The following RIMS2 variants were observed in gnomAD, a reference collection of about 807,000 sequenced individuals.
RIMS2 encodes the protein regulating synaptic membrane exocytosis 2, also known as regulating synaptic membrane exocytosis protein 2.
RIMS2 carries 59 observed loss-of-function variants against 174.4 expected under a neutral mutation model. The ratio of observed to expected loss-of-function variants is 0.34; its 90% confidence interval spans 0.27 to 0.42. RIMS2 has a LOEUF of 0.42. RIMS2 is among the 10% of genes least tolerant of loss of function. The probability of loss-of-function intolerance (pLI) is 1.00; values close to 1 mark genes in which losing one functional copy is unlikely to be tolerated. For synonymous variants in RIMS2, 606 were observed against 572.5 expected, an observed-to-expected ratio of 1.06 and a Z score of -0.84; for missense variants, 1,620 against 1,666.3, an observed-to-expected ratio of 0.97 and a Z score of 0.48.
At chr8:103,734,912 C>T (rs1178025167) in intron 2 of RIMS2, among the ~76,000 whole-genome samples, 2 of 135,564 alleles carry the variant, frequency 1.5e-5, no homozygotes, top group Admixed American at 1.4e-4. Context: ...AATCACACTT[C>T]TGTGCCACCG....
At chr8:103,755,863 G>C (rs931343623) in intron 2 of RIMS2, among the ~76,000 whole-genome samples, 1 of 152,048 alleles carries the variant, frequency 6.6e-6, no homozygotes, top group African/African-American at 2.4e-5. Context: ...CTTGCATTGG[G>C]TTAGGACATG....
At chr8:104,052,717 G>C (rs1322677801) in intron 19 of RIMS2, among the ~76,000 whole-genome samples, 1 of 152,086 alleles carries the variant, frequency 6.6e-6, no homozygotes, top group Admixed American at 6.6e-5. Context: ...TGCTAAGGGG[G>C]CCCACTTGGG....
intron 19 of RIMS2, among the ~76,000 whole-genome samples, chr8:104,200,317 G>T (rs1475345338): frequency 6.6e-6 from 1 of 152,198 alleles, no homozygotes; most frequent in East Asian, 1.9e-4. Flanking sequence ...TGGTAGATTA[G>T]ATTTTGTCCT....
At chr8:103,909,579 A>C (rs1399609584) in intron 4 of RIMS2, among the ~76,000 whole-genome samples, 1 of 152,138 alleles carries the variant, frequency 6.6e-6, no homozygotes, top group Non-Finnish European at 1.5e-5. Context: ...TCTTTTGTGA[A>C]AACAATTTTT....
intron 3 of RIMS2, among the ~76,000 whole-genome samples, chr8:103,826,885 T>C (rs1564790689): frequency 6.6e-6 from 1 of 151,814 alleles, no homozygotes; most frequent in Non-Finnish European, 1.5e-5. Context: ...TCTAGGATGT[T>C]CTGGAACTCC....
At chr8:103,699,911 AT>A (rs1263122231) in intron 2 of RIMS2, among the ~76,000 whole-genome samples, 1 of 152,070 alleles carries the variant, frequency 6.6e-6, no homozygotes, top group Non-Finnish European at 1.5e-5. Flanking sequence ...ATGATTTCTA[AT>A]TTACCTCTCT....
chr8:103,609,831 A>G (rs1392181243), intron 1 of RIMS2, among the ~76,000 whole-genome samples: 5 of 152,144 alleles, frequency 3.3e-5, no homozygotes, highest in African/African-American at 1.2e-4. Context: ...TTGCTTCTGT[A>G]TGAATTTTTA....
chr8:103,598,701 C>G (rs2094569821), intron 1 of RIMS2, among the ~76,000 whole-genome samples: 1 of 152,102 alleles, frequency 6.6e-6, no homozygotes, highest in Admixed American at 6.6e-5. Context: ...TTTTCAGTGG[C>G]AAGTCTTGAT....
rs1487678418 is a variant in RIMS2 at position 104,142,118 on chromosome 8, T to TC, written c.3335-102796dup. 5.5e-5 allele frequency among the ~76,000 whole-genome samples: 7 copies of TC among 128,354 alleles called. No individual in the cohort carries two copies. In the South Asian group the frequency reaches 1.8e-3, roughly 33 times the overall value. 84.2% of individuals were successfully genotyped at this position (128,354 alleles called of 152,430 possible). A position where few individuals can be genotyped will look rare whatever the true frequency, so the allele number is the denominator to read the frequency against. The stretch of plus-strand genomic sequence containing the variant: ...TTTGTTTATTTCAAAGTAAATATCT[T>TC]CCTTTTTTTTTTTTTTTTTCTTTTT... On this transcript the variant is annotated intron_variant, in intron 19 of 23. Coordinates refer to ENST00000504942, the Ensembl canonical transcript of RIMS2.
intron 2 of RIMS2, among the ~76,000 whole-genome samples, chr8:103,742,948 G>A (rs956857903): frequency 6.6e-6 from 1 of 152,120 alleles, no homozygotes; most frequent in African/African-American, 2.4e-5. Context: ...AACAGCATTA[G>A]TTTATTATAA....
At chr8:104,076,801 C>T (rs1417197048) in intron 19 of RIMS2, among the ~76,000 whole-genome samples, 1 of 151,296 alleles carries the variant, frequency 6.6e-6, no homozygotes, top group African/African-American at 2.4e-5. Context: ...TACCTACCTC[C>T]AAGGATTGTT....
chr8:104,036,064 C>G (rs2096506782), intron 19 of RIMS2, among the ~76,000 whole-genome samples: 1 of 151,910 alleles, frequency 6.6e-6, no homozygotes, highest in Non-Finnish European at 1.5e-5. Context: ...TAATGCCAAG[C>G]CTATTTTTCA....
At chr8:103,927,967 G>A in intron 11 of RIMS2, 1 of 1,178,134 alleles carries the variant, frequency 8.5e-7, no homozygotes, top group African/African-American at 1.6e-5. Flanking sequence ...TGCGTTAGTA[G>A]GAAAACTTTT....
intron 3 of RIMS2, among the ~76,000 whole-genome samples, chr8:103,851,136 C>G (rs2098995521): frequency 1.3e-5 from 2 of 151,884 alleles, no homozygotes; most frequent in Non-Finnish European, 2.9e-5. Flanking sequence ...TTTATTTAAA[C>G]TTTTCTTCAT....
At chr8:103,749,106 T>C (rs1021250969) in intron 2 of RIMS2, among the ~76,000 whole-genome samples, 1 of 125,410 alleles carries the variant, frequency 8.0e-6, no homozygotes, top group Non-Finnish European at 1.8e-5. Flanking sequence ...GCCATATGCT[T>C]TCTATTTTTT....
At chr8:103,768,896 C>G in intron 3 of RIMS2, 2 of 494,460 alleles carry the variant, frequency 4.0e-6, no homozygotes, top group Non-Finnish European at 7.7e-6. Flanking sequence ...TAGGAAGAGG[C>G]TGCAGAATAT....
chr8:104,046,065 C>G (rs1215887078), intron 19 of RIMS2, among the ~76,000 whole-genome samples: 1 of 152,012 alleles, frequency 6.6e-6, no homozygotes, highest in Non-Finnish European at 1.5e-5. Flanking sequence ...TTAGTCCATA[C>G]AGACTGCTGT....
chr8:103,670,168 G>GCAGC (rs2096727566), intron 1 of RIMS2, among the ~76,000 whole-genome samples: 1 of 152,248 alleles, frequency 6.6e-6, no homozygotes, highest in African/African-American at 2.4e-5. Context: ...TGCACCCTCT[G>GCAGC]CAGCCATAGC....
chr8:103,969,757 C>CT (rs1177254568), intron 15 of RIMS2, among the ~76,000 whole-genome samples: 5 of 151,154 alleles, frequency 3.3e-5, no homozygotes, highest in South Asian at 2.1e-4. Flanking sequence ...TTTTTTCTTT[C>CT]TTTTTTTTTA....
Sources: gnomAD v4.1 joint callset for allele counts (sites outside exome capture counted in the v4.1 genomes callset) on GRCh38, gnomAD v4.1.1 for gene constraint, MANE v1.5 for transcripts, NCBI Gene and HGNC (gene_info 2026-07-23, HGNC 2026-07-21) for gene names.